Variants in ABCA3 observed in about 807,000 individuals in gnomAD.
The protein encoded by ABCA3 is phospholipid-transporting ATPase ABCA3.
In ABCA3, 88 loss-of-function variants were observed where a neutral mutation model predicts 172.8. That is an observed-to-expected ratio of 0.51 (90% CI 0.43 to 0.61). The LOEUF (loss-of-function observed/expected upper bound fraction) is 0.61. ABCA3 is among the 20% of genes least tolerant of loss of function. ABCA3 has a pLI of 0.00. For missense variants in ABCA3, 2,164 were observed against 2,301.0 expected (o/e 0.94, Z 1.22); for synonymous variants, 1,066 against 983.8 (o/e 1.08, Z -1.56).
Position 2,317,365 on chromosome 16 carries a change from G to A in ABCA3, c.1029C>T (p.Pro343=), listed in dbSNP as rs34096526. 7.6e-5 allele frequency: 122 copies of A among 1,614,032 alleles called. No individual in the cohort carries two copies. In the African/African-American group the frequency reaches 1.6e-3, roughly 21 times the overall value. The stretch of plus-strand genomic sequence containing the variant: ...ACAGCAGGAAGGCGAGCACCAGGGA[G>A]GGGTCGCTGCGGGACAGCACGGCTA... ...PNVAVLSRSD[P]SLVLAFLLCF... The change falls in exon 10 of 33, where the codon CCC becomes CCT. Residue 343 remains proline (P), a synonymous_variant. Transcript: ENST00000301732.
chr16:2,307,173 G>A (rs1345923882), intron 11 of ABCA3, among the ~76,000 whole-genome samples: 1 of 152,020 alleles, frequency 6.6e-6, no homozygotes, highest in African/African-American at 2.4e-5. Flanking sequence ...TTCTCTCTTA[G>A]GCGTCTCTGC....
chr16:2,300,482 A>T (rs917245621), intron 12 of ABCA3, among the ~76,000 whole-genome samples: 3 of 152,128 alleles, frequency 2.0e-5, no homozygotes, highest in African/African-American at 7.2e-5. Flanking sequence ...GTCCAGAGGG[A>T]TGTTGGAGCC....
chr16:2,287,120 T>C lies in ABCA3; in HGVS notation c.3005-153A>G, dbSNP rs1044206743. Among the ~76,000 whole-genome samples the C allele has an allele frequency of 6.6e-6, 1 of 152,118 alleles. No homozygotes were observed. Among genetic ancestry groups the C allele is most frequent in the Non-Finnish European group, 1.5e-5 (1 of 68,004 alleles). On this transcript the variant is annotated intron_variant, in intron 21 of 32. Transcript: ENST00000301732. This position sits in a 1 kb window ranked among gnomAD's most constrained non-coding sequence, Gnocchi z 4.1. ...CACCCTTCTCCTAAGGAGAGTATAA[T>C]TTCTGGCAAGGTTTTGTCATCATTC...
chr16:2,307,767 G>A (rs920902711), intron 11 of ABCA3, among the ~76,000 whole-genome samples: 4 of 152,008 alleles, frequency 2.6e-5, no homozygotes, highest in East Asian at 2.0e-4. Flanking sequence ...CACCACGCCC[G>A]GCTAATTTTT....
chr16:2,317,568 A>G (rs1339489742), intron 9 of ABCA3, 80 bp downstream of exon 9: 6 of 1,589,852 alleles, frequency 3.8e-6, no homozygotes, highest in Non-Finnish European at 5.2e-6. Context: ...CTCTGACCAC[A>G]AAGTTCTTCC....
intron 5 of ABCA3, 53 bp downstream of exon 5, chr16:2,325,957 A>G: frequency 6.2e-7 from 1 of 1,608,186 alleles, no homozygotes; most frequent in Non-Finnish European, 8.5e-7. Flanking sequence ...CTGCCTGCCC[A>G]GCCGCGTGGA....
intron 8 of ABCA3, among the ~76,000 whole-genome samples, chr16:2,318,431 G>A (rs1302612467): frequency 6.6e-6 from 1 of 152,180 alleles, no homozygotes; most frequent in Non-Finnish European, 1.5e-5. Flanking sequence ...GCAGCCAGCA[G>A]CCAGGTGTGG....
Position 2,281,754 on chromosome 16 carries a change from A to C in ABCA3, c.4036-245T>G, listed in dbSNP as rs1034537355. Among the ~76,000 whole-genome samples the C allele has an allele frequency of 2.6e-5, 4 of 152,168 alleles. No homozygotes were observed. Among genetic ancestry groups the C allele is most frequent in the Admixed American group, 6.5e-5 (1 of 15,276 alleles). ...GAGGAAAAAGAACTGTGCGGGACTC[A>C]TGGAGAAAAATCATAAATCTGCTGG... On this transcript the variant is annotated intron_variant, in intron 26 of 32. Transcript: ENST00000301732. The surrounding 1 kb of genome is among the most constrained non-coding windows in gnomAD (Gnocchi z 4.7).
intron 1 of ABCA3, among the ~76,000 whole-genome samples, chr16:2,331,522 C>T (rs1019575885): frequency 3.3e-5 from 5 of 152,218 alleles, no homozygotes; most frequent in African/African-American, 7.2e-5. Flanking sequence ...TGTGCCCCCA[C>T]GGCACCCAGC....
chr16:2,297,849 TG>T lies in ABCA3; in HGVS notation c.1968del (p.Asp656GlufsTer10). The T allele has an allele frequency of 6.2e-7, 1 of 1,613,836 alleles. No homozygotes were observed. Among genetic ancestry groups the T allele is most frequent in the South Asian group, 1.1e-5 (1 of 91,086 alleles). Reference protein sequence around the residue: ...KQMLHIIGLEDKWNSRSRFLS... With the variant: ...KQMLHIIGLEXKWNSRSRFLS... ...AGGAAGCGGCTCCGTGAGTTCCACTTGTCCTCCAGGCCGATGATGTGCAGCA... is the reference window on the plus strand; with the variant it reads ...AGGAAGCGGCTCCGTGAGTTCCACTTTCCTCCAGGCCGATGATGTGCAGCA... On this transcript the variant is annotated frameshift_variant, in exon 16 of 33. Coordinates refer to ENST00000301732, the MANE Select transcript of ABCA3 (RefSeq NM_001089.3). LOFTEE classifies it high-confidence loss of function. This position sits in a 1 kb window ranked among gnomAD's most constrained non-coding sequence, Gnocchi z 5.6.
intron 10 of ABCA3, among the ~76,000 whole-genome samples, chr16:2,316,761 A>C (rs2093716587): frequency 6.6e-6 from 1 of 152,096 alleles, no homozygotes; most frequent in African/African-American, 2.4e-5. Context: ...GCCTGGGCAT[A>C]CTGAATAACT....
intron 8 of ABCA3, 108 bp downstream of exon 8, chr16:2,319,473 A>G: frequency 2.1e-6 from 3 of 1,396,074 alleles, no homozygotes; most frequent in Non-Finnish European, 2.8e-6. Context: ...CGACAGAGCG[A>G]GACTCCAACT....
At position 2,278,037 on chromosome 16, in the gene ABCA3, A is replaced by G; in HGVS notation, c.4751T>C (p.Leu1584Pro). The G allele has an allele frequency of 6.2e-7, 1 of 1,613,390 alleles. No individual in the cohort carries two copies. The highest frequency in any genetic ancestry group is 8.5e-7 in the Non-Finnish European group (1 of 1,179,972). ...MEECEALCTR[L>P]AIMVQGQFKC... Reference sequence around the variant, plus strand: ...GAACTGCCCCTGCACCATGATGGCCAGCCGGGTGCACAGGGCCTCACACTC... The same window carrying G: ...GAACTGCCCCTGCACCATGATGGCCGGCCGGGTGCACAGGGCCTCACACTC... The change falls in exon 31 of 33, where the codon CTG becomes CCG. Residue 1584 changes from leucine (L) to proline (P), a missense_variant. Coordinates refer to ENST00000301732, the MANE Select transcript of ABCA3 (RefSeq NM_001089.3). The surrounding 1 kb of genome is among the most constrained non-coding windows in gnomAD (Gnocchi z 4.4).
At chr16:2,320,985 C>CTTTTT (rs368507865) in intron 7 of ABCA3, among the ~76,000 whole-genome samples, 1 of 136,008 alleles carries the variant, frequency 7.4e-6, no homozygotes, top group Non-Finnish European at 1.5e-5. Context: ...CTGCTATGTG[C>CTTTTT]TTTTTTTTTT....
Position 2,285,731 on chromosome 16 carries a change from G to C in ABCA3, c.3279-85C>G. ...CGGGTTCTCGGTTATGACCGCCCAA[G>C]GCATGCAGGGCAGCAGCCCAACCAC... On this transcript the variant is annotated intron_variant, in intron 22 of 32. Coordinates refer to ENST00000301732, the MANE Select transcript of ABCA3 (RefSeq NM_001089.3). This position sits in a 1 kb window ranked among gnomAD's most constrained non-coding sequence, Gnocchi z 4.7. 1 of 1,340,720 alleles carries C rather than the reference G, an allele frequency of 7.5e-7. No individual in the cohort carries two copies. Among genetic ancestry groups the C allele is most frequent in the East Asian group, 2.5e-5 (1 of 39,956 alleles). The allele number at this position is 1,340,720 out of a possible 1,614,324, so 83.1% of individuals were successfully genotyped here. A position where few individuals can be genotyped will look rare whatever the true frequency, so the allele number is the denominator to read the frequency against.
chr16:2,320,445 A>G (rs2093724318), intron 7 of ABCA3, among the ~76,000 whole-genome samples: 1 of 148,020 alleles, frequency 6.8e-6, no homozygotes, highest in South Asian at 2.2e-4. Context: ...GCTGGAGTGC[A>G]GTGGCGCGAT....
chr16:2,330,790 C>T (rs527804700), intron 1 of ABCA3, among the ~76,000 whole-genome samples: 1 of 151,524 alleles, frequency 6.6e-6, no homozygotes, highest in African/African-American at 2.4e-5. Context: ...ACTCCGCCTC[C>T]CAGGTTCACG....
chr16:2,325,290 T>A (rs2093732522), intron 5 of ABCA3, among the ~76,000 whole-genome samples: 1 of 152,172 alleles, frequency 6.6e-6, no homozygotes, highest in Non-Finnish European at 1.5e-5. Flanking sequence ...GGCATCCCTG[T>A]AAAGTCCTGT....
intron 8 of ABCA3, among the ~76,000 whole-genome samples, chr16:2,318,867 A>G (rs1235479983): frequency 6.6e-6 from 1 of 151,922 alleles, no homozygotes; most frequent in Non-Finnish European, 1.5e-5. Context: ...GAGGAGCACA[A>G]TGGTCTCTCA....
Sources: gnomAD v4.1 joint callset for allele counts (sites outside exome capture counted in the v4.1 genomes callset) on GRCh38, gnomAD v4.1.1 for gene constraint, Gnocchi (gnomAD v3.1) non-coding constraint, MANE v1.5 for transcripts, NCBI Gene and HGNC (gene_info 2026-07-23, HGNC 2026-07-21) for gene names.